The following DCAF8L2 variants were observed in gnomAD, a reference collection of about 807,000 sequenced individuals.
DCAF8L2 encodes DDB1 and CUL4 associated factor 8 like 2.
For synonymous variants in DCAF8L2, 200 were observed against 190.9 expected (o/e 1.05, Z -0.39); for missense variants, 430 against 490.7 (o/e 0.88, Z 1.17).
chrX:27,621,423 A>G (rs1020049222), intron 1 of DCAF8L2, among the ~76,000 whole-genome samples: 1 of 111,631 alleles, frequency 9.0e-6, no homozygotes, highest in South Asian at 3.7e-4. Context: ...ATAGGAAAAA[A>G]TAATAAGCAA....
At chrX:27,652,675 C>A (rs1929197277) in intron 2 of DCAF8L2, among the ~76,000 whole-genome samples, 1 of 111,956 alleles carries the variant, frequency 8.9e-6, no homozygotes, top group Admixed American at 9.5e-5. Context: ...CTAATTCAAT[C>A]AATGAAAACC....
the DCAF8L2 span, among the ~76,000 whole-genome samples, chrX:27,546,877 C>G: frequency 4.4e-5 from 5 of 112,378 alleles, no homozygotes; most frequent in African/African-American, 6.5e-5. Context: ...GGGGCTATAA[C>G]CAATATCTCT....
the DCAF8L2 span, among the ~76,000 whole-genome samples, chrX:27,501,480 A>G: frequency 9.0e-6 from 1 of 111,190 alleles, no homozygotes; most frequent in Non-Finnish European, 1.9e-5. Context: ...TTCCATGTGT[A>G]TATGTTTTAC....
chrX:27,650,495 C>T (rs895912270), intron 2 of DCAF8L2, among the ~76,000 whole-genome samples: 1 of 111,908 alleles, frequency 8.9e-6, no homozygotes, highest in Admixed American at 9.5e-5. Context: ...TGCAGTTCTC[C>T]TTGTAGAGAT....
intron 3 of DCAF8L2, among the ~76,000 whole-genome samples, chrX:27,702,369 A>G (rs1265720742): frequency 9.9e-6 from 1 of 101,068 alleles, no homozygotes; most frequent in Admixed American, 1.1e-4. Context: ...GTCCAGTATT[A>G]CCCCGATACA....
rs912558048 is a variant in DCAF8L2, at chrX:27,711,783, T to G, written c.-142-4305T>G. 6.2e-4 allele frequency among the ~76,000 whole-genome samples: 69 copies of G among 110,762 alleles called. 1 individual carries two copies. Among genetic ancestry groups the G allele is most frequent in the African/African-American group, 2.2e-3 (67 of 30,492 alleles). On this transcript the variant is annotated intron_variant, in intron 3 of 4. Transcript: ENST00000451261. ...TTAAGGAGTCTGAGGTTGGTATAAT[T>G]TCTCAAATGTTCACTAGATTTCAAC...
At chrX:27,650,812 C>G (rs908066341) in intron 2 of DCAF8L2, among the ~76,000 whole-genome samples, 9 of 103,790 alleles carry the variant, frequency 8.7e-5, no homozygotes, top group African/African-American at 3.3e-4. Flanking sequence ...ATTGTTCTGT[C>G]AAGGATTTCC....
upstream of DCAF8L2, among the ~76,000 whole-genome samples, chrX:27,586,026 G>A (rs1208393377): frequency 9.0e-6 from 1 of 111,157 alleles, no homozygotes; most frequent in Non-Finnish European, 1.9e-5. Context: ...CACACCATCA[G>A]GGTATCTTTG....
the DCAF8L2 span, among the ~76,000 whole-genome samples, chrX:27,565,054 C>T: frequency 1.0e-4 from 11 of 109,060 alleles, no homozygotes; most frequent in African/African-American, 3.0e-4. Context: ...TTTAACAATA[C>T]ATTATATATT....
the DCAF8L2 span, among the ~76,000 whole-genome samples, chrX:27,478,762 A>G: frequency 3.2e-4 from 36 of 112,310 alleles, 1 homozygote; most frequent in Non-Finnish European, 1.9e-4. Context: ...ATGAAGAGGA[A>G]ATTCAATATT....
chrX:27,520,276 A>G, the DCAF8L2 span, among the ~76,000 whole-genome samples: 1 of 112,158 alleles, frequency 8.9e-6, no homozygotes, highest in Non-Finnish European at 1.9e-5. Flanking sequence ...TTCATTATTT[A>G]GCAGGTTTAT....
the DCAF8L2 span, among the ~76,000 whole-genome samples, chrX:27,552,172 G>C: frequency 9.0e-6 from 1 of 110,841 alleles, no homozygotes; most frequent in Non-Finnish European, 1.9e-5. Flanking sequence ...CTACTGAGTT[G>C]AATTCCCAAT....
In DCAF8L2 at chrX:27,747,154, T is replaced by G; in HGVS notation, c.259T>G (p.Leu87Val). 7 of 1,167,111 alleles carry G rather than the reference T, an allele frequency of 6.0e-6. No individual in the cohort carries two copies. The highest frequency in any genetic ancestry group is 8.0e-6 in the Non-Finnish European group (7 of 872,808). The change falls in exon 5 of 5, where the codon TTG becomes GTG. Residue 87 changes from leucine (L) to valine (V), a missense_variant. Coordinates refer to ENST00000451261, the MANE Select transcript of DCAF8L2 (RefSeq NM_001353450.2). ...AAGTGAAGACATCGAACTTGAGAGC[T>G]TGGAGGACTTTGAGCATTTCCTCAT... ...SASEDIELES[L>V]EDFEHFLMSG...
the DCAF8L2 span, among the ~76,000 whole-genome samples, chrX:27,488,239 TA>T: frequency 9.0e-6 from 1 of 111,002 alleles, no homozygotes; most frequent in Admixed American, 9.7e-5. Context: ...TTTCCCCTCC[TA>T]AAAAATGGTA....
chrX:27,678,114 C>T (rs1392963360), intron 3 of DCAF8L2, among the ~76,000 whole-genome samples: 1 of 111,921 alleles, frequency 8.9e-6, no homozygotes, highest in Non-Finnish European at 1.9e-5. Flanking sequence ...TTCTGGTTTG[C>T]TTCTGTGCCT....
chrX:27,703,031 T>A (rs932752444), intron 3 of DCAF8L2, among the ~76,000 whole-genome samples: 2 of 111,434 alleles, frequency 1.8e-5, no homozygotes, highest in Non-Finnish European at 3.8e-5. Context: ...CAAATATCAA[T>A]TGTATTCTTA....
intron 1 of DCAF8L2, among the ~76,000 whole-genome samples, chrX:27,615,999 T>C (rs756565149): frequency 1.8e-5 from 2 of 111,358 alleles, no homozygotes; most frequent in South Asian, 7.5e-4. Flanking sequence ...GAGTAAAGAA[T>C]AGCAATATAA....
intron 3 of DCAF8L2, among the ~76,000 whole-genome samples, chrX:27,703,188 GAA>G (rs1569186599): frequency 1.8e-5 from 2 of 111,348 alleles, no homozygotes; most frequent in African/African-American, 3.3e-5. Context: ...CGACAGAAAT[GAA>G]AGATTTAAAT....
rs139642262 is a variant in DCAF8L2, at chrX:27,732,609, T to C, written c.-58-14229T>C. 7.8e-3 allele frequency among the ~76,000 whole-genome samples: 865 copies of C among 110,531 alleles called. 11 individuals are homozygous for C. Among genetic ancestry groups the C allele is most frequent in the African/African-American group, 0.027 (826 of 30,310 alleles). On this transcript the variant is annotated intron_variant, in intron 4 of 4. Coordinates refer to ENST00000451261, the MANE Select transcript of DCAF8L2 (RefSeq NM_001353450.2). Reference sequence around the variant, plus strand: ...TATATAAACACATATATACACTCTATCAAAATTTCTTTAAGCATTCATCCA... The same window carrying C: ...TATATAAACACATATATACACTCTACCAAAATTTCTTTAAGCATTCATCCA...
Sources: gnomAD v4.1 joint callset for allele counts (sites outside exome capture counted in the v4.1 genomes callset) on GRCh38, gnomAD v4.1.1 for gene constraint, MANE v1.5 for transcripts, NCBI Gene and HGNC (gene_info 2026-07-23, HGNC 2026-07-21) for gene names.